CADM2: variants seen among roughly 807,000 people sequenced by gnomAD.
CADM2 encodes immunoglobulin superfamily member 4D.
In CADM2, 12 loss-of-function variants were observed where a neutral mutation model predicts 49.8. That is an observed-to-expected ratio of 0.24 (90% CI 0.15 to 0.39). CADM2 has a LOEUF of 0.39. Among genes scored for constraint, CADM2 ranks in the 10% least tolerant of loss-of-function variants. The probability of loss-of-function intolerance (pLI) is 1.00; values close to 1 mark genes in which losing one functional copy is unlikely to be tolerated. For synonymous variants in CADM2, 214 were observed against 175.4 expected (o/e 1.22, Z -1.74); for missense variants, 378 against 492.3 (o/e 0.77, Z 2.20).
chr3:85,424,262 T>C (rs1227490952), intron 1 of CADM2, among the ~76,000 whole-genome samples: 1 of 151,970 alleles, frequency 6.6e-6, no homozygotes, highest in Non-Finnish European at 1.5e-5. Flanking sequence ...GAGATATTTA[T>C]TTTGTATTAT....
At chr3:85,009,995 G>A (rs1260907392) in intron 1 of CADM2, among the ~76,000 whole-genome samples, 3 of 151,772 alleles carry the variant, frequency 2.0e-5, no homozygotes, top group Admixed American at 6.6e-5. Context: ...ATGTCATAAA[G>A]TGAGCTGTTC....
At chr3:85,089,926 G>A (rs962173043) in intron 1 of CADM2, among the ~76,000 whole-genome samples, 2 of 152,000 alleles carry the variant, frequency 1.3e-5, no homozygotes, top group Admixed American at 6.6e-5. Flanking sequence ...TTCTATTGGC[G>A]GGGACTGAAA....
chr3:85,923,759 C>T (rs1719465709), intron 6 of CADM2, among the ~76,000 whole-genome samples: 1 of 152,178 alleles, frequency 6.6e-6, no homozygotes, highest in Admixed American at 6.5e-5. Context: ...TAGAGATGTT[C>T]TCTATCTCCA....
intron 5 of CADM2, among the ~76,000 whole-genome samples, chr3:85,892,694 C>G (rs1476491103): frequency 6.6e-6 from 1 of 152,168 alleles, no homozygotes; most frequent in Non-Finnish European, 1.5e-5. Context: ...TTATAAATTA[C>G]TCATCTCAGG....
At chr3:85,656,432 T>C (rs1309718045) in intron 1 of CADM2, among the ~76,000 whole-genome samples, 1 of 151,980 alleles carries the variant, frequency 6.6e-6, no homozygotes, top group African/African-American at 2.4e-5. Flanking sequence ...CTGGCCAACA[T>C]GGTGAAAACC....
chr3:85,065,591 C>T (rs1322137789), intron 1 of CADM2, among the ~76,000 whole-genome samples: 1 of 152,152 alleles, frequency 6.6e-6, no homozygotes, highest in Non-Finnish European at 1.5e-5. Flanking sequence ...GCTTTCAAAG[C>T]ATTAGAAGAT....
At chr3:85,468,185 T>C (rs1261627055) in intron 1 of CADM2, among the ~76,000 whole-genome samples, 1 of 134,890 alleles carries the variant, frequency 7.4e-6, no homozygotes, top group African/African-American at 3.2e-5. Flanking sequence ...AAAAAAACAT[T>C]GAGGCAGGAA....
chr3:85,184,868 T>C (rs907192858), intron 1 of CADM2, among the ~76,000 whole-genome samples: 1 of 152,100 alleles, frequency 6.6e-6, no homozygotes, highest in Non-Finnish European at 1.5e-5. Context: ...TCTTCACTGT[T>C]AGGGGGATAA....
chr3:86,043,132 G>A (rs982403758), intron 8 of CADM2, among the ~76,000 whole-genome samples: 4 of 152,234 alleles, frequency 2.6e-5, no homozygotes, highest in Non-Finnish European at 5.9e-5. Context: ...CGTACTGAAT[G>A]GGCAAAAACT....
intron 1 of CADM2, among the ~76,000 whole-genome samples, chr3:85,466,144 A>T (rs553237672): frequency 5.9e-5 from 9 of 152,160 alleles, no homozygotes; most frequent in Non-Finnish European, 1.3e-4. Flanking sequence ...TGTCAATTTC[A>T]TTGTGACAGT....
chr3:85,274,991 C>CAATGAGAAAA (rs2106861738), intron 1 of CADM2, among the ~76,000 whole-genome samples: 1 of 151,024 alleles, frequency 6.6e-6, no homozygotes, highest in Non-Finnish European at 1.5e-5. Flanking sequence ...AGCTTGAAGT[C>CAATGAGAAAA]AATGAGAAAA....
At chr3:85,412,547 T>G (rs1000516027) in intron 1 of CADM2, among the ~76,000 whole-genome samples, 3 of 141,624 alleles carry the variant, frequency 2.1e-5, no homozygotes. Context: ...TTTTTTTTTT[T>G]CTGTATCATG....
At chr3:85,446,502 T>A (rs1369875948) in intron 1 of CADM2, among the ~76,000 whole-genome samples, 2 of 152,164 alleles carry the variant, frequency 1.3e-5, no homozygotes, top group East Asian at 1.9e-4. Flanking sequence ...GCTCTGCTTT[T>A]CAGCTTTTCT....
chr3:86,013,855 AAAT>A (rs1731858206), intron 8 of CADM2: 1 of 1,594,120 alleles, frequency 6.3e-7, no homozygotes, highest in African/African-American at 1.3e-5. Context: ...TTTTCTTCCA[AAAT>A]GAAAGTTGTT....
intron 1 of CADM2, among the ~76,000 whole-genome samples, chr3:84,963,381 G>A (rs749513577): frequency 6.6e-6 from 1 of 152,112 alleles, no homozygotes; most frequent in Non-Finnish European, 1.5e-5. Flanking sequence ...TGGAGAGAAT[G>A]CCCTGGGTAG....
Position 85,769,318 on chromosome 3 carries a change from A to G in CADM2, c.89-32729A>G. ...TATATACACGTATATACATATATAC[A>G]TATATAGTATATATACACGTATATA... On this transcript the variant is annotated intron_variant, in intron 2 of 9. Coordinates refer to ENST00000383699, the MANE Select transcript of CADM2 (RefSeq NM_001167675.2). 1.6e-5 allele frequency among the ~76,000 whole-genome samples: 2 copies of G among 126,246 alleles called. 1 individual carries two copies. The highest frequency in any genetic ancestry group is 3.1e-5 in the Non-Finnish European group (2 of 64,706). 82.8% of individuals were successfully genotyped at this position (126,246 alleles called of 152,430 possible).
At chr3:85,072,014 A>G (rs2036764477) in intron 1 of CADM2, among the ~76,000 whole-genome samples, 1 of 151,110 alleles carries the variant, frequency 6.6e-6, no homozygotes. Flanking sequence ...ACAGCAATAA[A>G]ATTAGCTTTC....
chr3:85,264,178 G>A (rs1248880431), intron 1 of CADM2, among the ~76,000 whole-genome samples: 3 of 152,064 alleles, frequency 2.0e-5, no homozygotes, highest in Non-Finnish European at 4.4e-5. Flanking sequence ...TGCTGTAAAA[G>A]CTCAGCACAG....
chr3:85,952,029 A>G (rs1723487072), intron 7 of CADM2, among the ~76,000 whole-genome samples: 1 of 150,690 alleles, frequency 6.6e-6, no homozygotes, highest in Non-Finnish European at 1.5e-5. Flanking sequence ...TTTTGATGAT[A>G]TATAAGAAAG....
Sources: gnomAD v4.1 joint callset for allele counts (sites outside exome capture counted in the v4.1 genomes callset) on GRCh38, gnomAD v4.1.1 for gene constraint, MANE v1.5 for transcripts, NCBI Gene and HGNC (gene_info 2026-07-23, HGNC 2026-07-21) for gene names.